Variants in OPN5 observed in about 807,000 individuals in gnomAD.
OPN5 encodes opsin 5.
In OPN5, 18 loss-of-function variants were observed where a neutral mutation model predicts 41.7. The observed-to-expected ratio is 0.43, with a 90% CI of 0.30 to 0.64. The LOEUF (loss-of-function observed/expected upper bound fraction) is 0.64, where lower values mean the gene tolerates loss of function less well. Among genes scored for constraint, OPN5 ranks in the 30% least tolerant of loss-of-function variants. The pLI, the probability that OPN5 is intolerant of heterozygous loss-of-function variation, is 0.13. For missense variants in OPN5, 318 were observed against 434.5 expected, an observed-to-expected ratio of 0.73 and a Z score of 2.38; for synonymous variants, 178 against 164.3, an observed-to-expected ratio of 1.08 and a Z score of -0.64.
chr6:47,821,298 G>T (rs1476693318), intron 6 of OPN5, among the ~76,000 whole-genome samples: 1 of 152,250 alleles, frequency 6.6e-6, no homozygotes, highest in Non-Finnish European at 1.5e-5. Context: ...TGTGGGGAAT[G>T]CTATGATAGA....
chr6:47,799,879 A>C (rs1040013496), intron 4 of OPN5, among the ~76,000 whole-genome samples: 1 of 151,818 alleles, frequency 6.6e-6, no homozygotes, highest in African/African-American at 2.4e-5. Context: ...ACATCCTCTA[A>C]ATTTCTCACA....
At chr6:47,785,139 T>C (rs1184503138) in intron 1 of OPN5, among the ~76,000 whole-genome samples, 1 of 152,196 alleles carries the variant, frequency 6.6e-6, no homozygotes, top group Non-Finnish European at 1.5e-5. Flanking sequence ...CAATGAGCCT[T>C]GTGTATCAAA....
intron 1 of OPN5, among the ~76,000 whole-genome samples, chr6:47,784,003 A>C (rs936833997): frequency 6.6e-6 from 1 of 152,206 alleles, no homozygotes; most frequent in African/African-American, 2.4e-5. Flanking sequence ...TGAGGAAATC[A>C]GGAGAATTTC....
At chr6:47,822,487 C>T (rs1235654094) in intron 6 of OPN5, among the ~76,000 whole-genome samples, 2 of 152,188 alleles carry the variant, frequency 1.3e-5, no homozygotes, top group East Asian at 3.9e-4. Context: ...CAGATTCTTG[C>T]TCAATAAATT....
intron 6 of OPN5, among the ~76,000 whole-genome samples, chr6:47,815,253 T>A (rs914701247): frequency 4.6e-5 from 7 of 152,168 alleles, no homozygotes; most frequent in African/African-American, 1.7e-4. Context: ...TTATGCTTAT[T>A]TAGAACTGAA....
intron 3 of OPN5, among the ~76,000 whole-genome samples, chr6:47,793,107 G>A (rs1326906354): frequency 2.0e-5 from 3 of 151,286 alleles, no homozygotes; most frequent in Non-Finnish European, 2.9e-5. Context: ...TCTGTGTGAC[G>A]TCAACATCTA....
intron 1 of OPN5, among the ~76,000 whole-genome samples, chr6:47,783,792 G>C (rs1773134278): frequency 2.0e-5 from 3 of 152,128 alleles, no homozygotes; most frequent in Non-Finnish European, 2.9e-5. Context: ...TTAAACTTAA[G>C]TACTTTCAAT....
intron 3 of OPN5, among the ~76,000 whole-genome samples, chr6:47,792,381 G>A (rs910108122): frequency 6.6e-5 from 10 of 152,138 alleles, no homozygotes; most frequent in African/African-American, 1.7e-4. Context: ...TAGGACTCAC[G>A]CTCCCTGTGA....
intron 4 of OPN5, among the ~76,000 whole-genome samples, chr6:47,799,124 T>A (rs1321983982): frequency 6.6e-6 from 1 of 151,944 alleles, no homozygotes; most frequent in African/African-American, 2.4e-5. Context: ...TCTAATTAAT[T>A]TTTAAAAATG....
chr6:47,798,574 CATA>C (rs1773653651), intron 4 of OPN5, among the ~76,000 whole-genome samples: 1 of 150,438 alleles, frequency 6.6e-6, no homozygotes, highest in Non-Finnish European at 1.5e-5. Context: ...AATGATATCA[CATA>C]ATATGTAATA....
At chr6:47,790,102 T>G (rs1462781977) in intron 2 of OPN5, among the ~76,000 whole-genome samples, 1 of 152,104 alleles carries the variant, frequency 6.6e-6, no homozygotes, top group Non-Finnish European at 1.5e-5. Context: ...CTATACCGTA[T>G]TTGAATAAGA....
chr6:47,821,915 G>A (rs1368449355), intron 6 of OPN5, among the ~76,000 whole-genome samples: 1 of 152,132 alleles, frequency 6.6e-6, no homozygotes, highest in East Asian at 1.9e-4. Context: ...GAGTTCAAGA[G>A]CAGCCTGGCC....
intron 1 of OPN5, among the ~76,000 whole-genome samples, chr6:47,784,381 C>A (rs1353077866): frequency 6.6e-6 from 1 of 151,998 alleles, no homozygotes; most frequent in Non-Finnish European, 1.5e-5. Context: ...ACTGCAACCT[C>A]CATCTCCCAA....
At chr6:47,816,448 T>C (rs928454889) in intron 6 of OPN5, among the ~76,000 whole-genome samples, 6 of 152,108 alleles carry the variant, frequency 3.9e-5, no homozygotes, top group Admixed American at 2.0e-4. Flanking sequence ...AATTCAATCA[T>C]TGCCAAGCCA....
At chr6:47,795,778 T>TCTCTCTCACACA (rs766899041) in intron 4 of OPN5, among the ~76,000 whole-genome samples, 7 of 142,890 alleles carry the variant, frequency 4.9e-5, no homozygotes, top group African/African-American at 1.9e-4. Flanking sequence ...TCTCTCTCTC[T>TCTCTCTCACACA]CACACACACA....
chr6:47,818,770 C>A (rs900920337), intron 6 of OPN5, among the ~76,000 whole-genome samples: 3 of 152,106 alleles, frequency 2.0e-5, no homozygotes, highest in Admixed American at 2.0e-4. Context: ...GTCAGGTCAG[C>A]TGGGAGCTGG....
At chr6:47,811,874 TGCTGGGAAATTCCAATG>T in intron 6 of OPN5, 143 bp downstream of exon 6, 1 of 491,828 alleles carries the variant, frequency 2.0e-6, no homozygotes, top group Non-Finnish European at 3.6e-6. Context: ...AGCCAGGGGT[TGCTGGGAAATTCCAATG>T]GCTAAATGGA....
intron 4 of OPN5, among the ~76,000 whole-genome samples, chr6:47,807,775 C>T (rs1201817654): frequency 2.0e-5 from 3 of 151,910 alleles, no homozygotes; most frequent in Non-Finnish European, 4.4e-5. Flanking sequence ...TTTAAAATTT[C>T]ATCAAGGTGA....
intron 2 of OPN5, among the ~76,000 whole-genome samples, chr6:47,791,373 G>A (rs534077781): frequency 6.6e-6 from 1 of 151,976 alleles, no homozygotes; most frequent in African/African-American, 2.4e-5. Flanking sequence ...CTTGAAGAGT[G>A]TATTTTCTCT....
Sources: allele counts gnomAD v4.1 joint callset (sites outside exome capture counted in the v4.1 genomes callset), GRCh38; gene constraint gnomAD v4.1.1; transcripts MANE v1.5; gene names NCBI Gene and HGNC (gene_info 2026-07-23, HGNC 2026-07-21).